Variants in TMPRSS7 observed in about 807,000 individuals in gnomAD.
The protein encoded by TMPRSS7 is transmembrane serine protease 7.
Under a neutral mutation model 95.6 loss-of-function variants are expected in TMPRSS7, and 81 were observed. The ratio of observed to expected loss-of-function variants is 0.85; its 90% CI spans 0.71 to 1.02. The LOEUF (loss-of-function observed/expected upper bound fraction) is 1.02, where lower values mean the gene tolerates loss of function less well. Ranked by LOEUF, TMPRSS7 falls within the 50% of genes least tolerant of loss-of-function variation. The pLI, the probability that TMPRSS7 is intolerant of heterozygous loss-of-function variation, is 0.00. For synonymous variants in TMPRSS7, 364 were observed against 337.8 expected (o/e 1.08, Z -0.85); for missense variants, 945 against 955.2 (o/e 0.99, Z 0.14).
chr3:112,067,582 G>A (rs900560416), intron 13 of TMPRSS7, among the ~76,000 whole-genome samples: 9 of 152,228 alleles, frequency 5.9e-5, no homozygotes, highest in Non-Finnish European at 1.5e-5. Context: ...GATGACCAGT[G>A]ATGATGAGCA....
intron 13 of TMPRSS7, among the ~76,000 whole-genome samples, chr3:112,068,189 T>C (rs775465301): frequency 3.5e-4 from 53 of 152,342 alleles, no homozygotes; most frequent in Admixed American, 8.5e-4. Flanking sequence ...TCTATATATC[T>C]GTTTTGGTAC....
chr3:112,048,331 GT>G (rs2073305052), intron 7 of TMPRSS7, among the ~76,000 whole-genome samples: 1 of 152,142 alleles, frequency 6.6e-6, no homozygotes, highest in Non-Finnish European at 1.5e-5. Context: ...CATCACATTA[GT>G]AAACAATTAA....
chr3:112,055,780 G>A (rs150812644), intron 9 of TMPRSS7, among the ~76,000 whole-genome samples: 159 of 152,260 alleles, frequency 1.0e-3, no homozygotes, highest in Admixed American at 3.5e-3. Context: ...CAGACAAAAA[G>A]CAATTTATAA....
At chr3:112,053,523 A>T (rs1421761510) in intron 9 of TMPRSS7, among the ~76,000 whole-genome samples, 1 of 152,232 alleles carries the variant, frequency 6.6e-6, no homozygotes, top group African/African-American at 2.4e-5. Flanking sequence ...TGGAGCTTAC[A>T]GACTACAGGG....
intron 5 of TMPRSS7, 128 bp downstream of exon 5, chr3:112,046,071 TTAAC>T (rs1010197166): frequency 1.2e-6 from 1 of 810,458 alleles, no homozygotes; most frequent in Non-Finnish European, 1.9e-6. Flanking sequence ...TGGCGCAGGA[TTAAC>T]TAAAGACATT....
intron 11 of TMPRSS7, among the ~76,000 whole-genome samples, chr3:112,063,102 A>G (rs1411005802): frequency 6.6e-6 from 1 of 152,214 alleles, no homozygotes; most frequent in African/African-American, 2.4e-5. Context: ...AACTCATCTG[A>G]TCACAGAAGA....
intron 9 of TMPRSS7, among the ~76,000 whole-genome samples, chr3:112,051,518 T>A (rs1480654670): frequency 8.4e-4 from 1 of 1,184 alleles, no homozygotes; most frequent in Non-Finnish European, 2.2e-3. Context: ...ATACGAAATA[T>A]CTATCTATCT....
chr3:112,081,140 A>G, exon 18 of TMPRSS7: 1 of 1,531,478 alleles, frequency 6.5e-7, no homozygotes, highest in Non-Finnish European at 8.8e-7. Context: ...CTTTAAAATG[A>G]TGCAGTAATT....
chr3:112,076,958 A>G, exon 16 of TMPRSS7: 1 of 1,614,194 alleles, frequency 6.2e-7, no homozygotes, highest in Non-Finnish European at 8.5e-7. Flanking sequence ...GGTGAGAAGA[A>G]TTGTGGTCCA....
intron 16 of TMPRSS7, among the ~76,000 whole-genome samples, chr3:112,077,668 C>T (rs2073728953): frequency 6.6e-6 from 1 of 151,990 alleles, no homozygotes; most frequent in Non-Finnish European, 1.5e-5. Context: ...GAGGTTATAC[C>T]TCCAGGATTT....
chr3:112,050,555 T>C (rs939008211), intron 8 of TMPRSS7, 116 bp from the exon 9 acceptor site: 1 of 379,474 alleles, frequency 2.6e-6, no homozygotes, highest in African/African-American at 2.7e-5. Context: ...GTTTAAGAAA[T>C]GTATAAAGCT....
At chr3:112,043,249 G>C (rs1265096796) in intron 3 of TMPRSS7, among the ~76,000 whole-genome samples, 1 of 152,144 alleles carries the variant, frequency 6.6e-6, no homozygotes, top group African/African-American at 2.4e-5. Flanking sequence ...GCATGTTACT[G>C]TACTGAACAG....
At chr3:112,066,974 C>T (rs1358167186) in intron 13 of TMPRSS7, among the ~76,000 whole-genome samples, 1 of 152,152 alleles carries the variant, frequency 6.6e-6, no homozygotes, top group Non-Finnish European at 1.5e-5. Context: ...TGCTATCCCT[C>T]CCCAAGGCCC....
At chr3:112,042,447 C>T (rs2073222228) in intron 3 of TMPRSS7, among the ~76,000 whole-genome samples, 1 of 152,178 alleles carries the variant, frequency 6.6e-6, no homozygotes, top group South Asian at 2.1e-4. Flanking sequence ...AAATAACTTT[C>T]TCATTGTAGA....
chr3:112,055,963 A>G (rs1003833492), intron 9 of TMPRSS7, among the ~76,000 whole-genome samples: 5 of 152,198 alleles, frequency 3.3e-5, no homozygotes, highest in African/African-American at 1.2e-4. Flanking sequence ...AGGCTGAGGC[A>G]GGTGGATCAC....
chr3:112,066,528 C>T lies in TMPRSS7; in HGVS notation c.1666+26C>T, dbSNP rs147225368. 116 of 1,595,440 alleles carry T rather than the reference C, an allele frequency of 7.3e-5. No homozygotes were observed. The African/African-American group carries it at 1.3e-3, about 18-fold the overall frequency. On this transcript the variant is annotated intron_variant, in intron 13 of 17. Transcript: ENST00000452346. ...GTGAGGGAGAGTCCTCTGTGCCCTGCTGTTCCTCCTATGAAACTCTTCTAA... is the reference window on the plus strand; with the variant it reads ...GTGAGGGAGAGTCCTCTGTGCCCTGTTGTTCCTCCTATGAAACTCTTCTAA...
chr3:112,063,465 T>A (rs565006800), intron 11 of TMPRSS7, 60 bp from the exon 12 acceptor site: 264 of 1,294,076 alleles, frequency 2.0e-4, no homozygotes, highest in Non-Finnish European at 2.5e-4. Flanking sequence ...GCTAATGTGG[T>A]CTAGTGATTT....
At chr3:112,059,290 G>A (rs1486157328) in intron 10 of TMPRSS7, among the ~76,000 whole-genome samples, 3 of 152,082 alleles carry the variant, frequency 2.0e-5, no homozygotes, top group Non-Finnish European at 2.9e-5. Flanking sequence ...GTTATTTCAC[G>A]TCTTTATGTC....
chr3:112,061,985 ATTC>A, intron 11 of TMPRSS7, 62 bp downstream of exon 11: 1 of 1,333,578 alleles, frequency 7.5e-7, no homozygotes. Context: ...ACATTTTATA[ATTC>A]CAAACCGTGA....
Sources: gnomAD v4.1 joint callset for allele counts (sites outside exome capture counted in the v4.1 genomes callset) on GRCh38, gnomAD v4.1.1 for gene constraint, MANE v1.5 for transcripts, NCBI Gene and HGNC (gene_info 2026-07-23, HGNC 2026-07-21) for gene names.